MMP16: variants seen among roughly 807,000 people sequenced by gnomAD.
MMP16 encodes matrix metalloproteinase-16.
Under a neutral mutation model 67.8 loss-of-function variants are expected in MMP16, and 12 were observed. That is an observed-to-expected ratio of 0.18 (90% CI 0.11 to 0.29). The LOEUF (loss-of-function observed/expected upper bound fraction) is 0.29. Ranked by LOEUF, MMP16 falls within the 10% of genes least tolerant of loss-of-function variation. MMP16 has a pLI of 1.00. For missense variants in MMP16, 475 were observed against 765.7 expected (o/e 0.62, Z 4.48); for synonymous variants, 249 against 255.9 (o/e 0.97, Z 0.26).
At chr8:88,160,380 A>G (rs908498480) in intron 4 of MMP16, among the ~76,000 whole-genome samples, 1 of 151,972 alleles carries the variant, frequency 6.6e-6, no homozygotes, top group African/African-American at 2.4e-5. Context: ...ATTGTTGGAC[A>G]TTTGGGTTGG....
intron 6 of MMP16, among the ~76,000 whole-genome samples, chr8:88,091,018 C>T (rs1016201575): frequency 4.0e-5 from 6 of 151,622 alleles, no homozygotes; most frequent in African/African-American, 1.5e-4. Context: ...CTTTTTTGAC[C>T]TACAGTAACT....
chr8:88,097,104 A>G (rs114867678), intron 6 of MMP16, among the ~76,000 whole-genome samples: 51 of 152,062 alleles, frequency 3.4e-4, no homozygotes, highest in African/African-American at 1.2e-3. Flanking sequence ...GTCACCTGTA[A>G]TATCCCTTTT....
intron 1 of MMP16, among the ~76,000 whole-genome samples, chr8:88,324,239 C>G (rs1242526892): frequency 6.6e-6 from 1 of 152,124 alleles, no homozygotes; most frequent in East Asian, 1.9e-4. Context: ...CAAATGCACT[C>G]TCTTTCTGTA....
chr8:88,222,301 C>T (rs1050354227), intron 1 of MMP16, among the ~76,000 whole-genome samples: 2 of 152,028 alleles, frequency 1.3e-5, no homozygotes, highest in Admixed American at 6.6e-5. Context: ...GCAGAATCCT[C>T]GTCAAGCTAC....
At chr8:88,253,632 T>G (rs1223506777) in intron 1 of MMP16, among the ~76,000 whole-genome samples, 2 of 152,038 alleles carry the variant, frequency 1.3e-5, no homozygotes, top group African/African-American at 4.8e-5. Flanking sequence ...TTTTACATTA[T>G]GTTGCTTTGT....
At chr8:88,064,351 C>T (rs1310312916) in intron 7 of MMP16, among the ~76,000 whole-genome samples, 1 of 151,996 alleles carries the variant, frequency 6.6e-6, no homozygotes, top group African/African-American at 2.4e-5. Flanking sequence ...TTTGAGAAAA[C>T]ATCAGGGAAT....
chr8:88,098,478 C>T (rs948561604), intron 6 of MMP16, among the ~76,000 whole-genome samples: 12 of 151,966 alleles, frequency 7.9e-5, no homozygotes, highest in African/African-American at 2.2e-4. Flanking sequence ...AGCCCCTTCC[C>T]TAAACAAACA....
chr8:88,296,965 T>A lies in MMP16; in HGVS notation c.132+30110A>T, dbSNP rs146802876. Among the ~76,000 whole-genome samples the A allele has an allele frequency of 6.3e-3, 953 of 151,832 alleles. 6 individuals carry two copies. The highest frequency in any genetic ancestry group is 0.022 in the African/African-American group (905 of 41,416). On this transcript the variant is annotated intron_variant, in intron 1 of 9. Transcript: ENST00000286614. ...ATAATAAAAAAAAGCAAATTCAAAA[T>A]TCAAAATAACTTAGTGCCCTGGGAA...
intron 1 of MMP16, among the ~76,000 whole-genome samples, chr8:88,205,104 T>C (rs1248519770): frequency 6.6e-6 from 1 of 152,206 alleles, no homozygotes; most frequent in African/African-American, 2.4e-5. Context: ...GCAATTTACA[T>C]GCATTATCTT....
At chr8:88,289,246 A>G (rs546168298) in intron 1 of MMP16, among the ~76,000 whole-genome samples, 1 of 152,314 alleles carries the variant, frequency 6.6e-6, no homozygotes, top group South Asian at 2.1e-4. Flanking sequence ...TAAAAAGATT[A>G]AAAGGAAAAT....
chr8:88,042,313 G>C (rs1203837248), intron 9 of MMP16, among the ~76,000 whole-genome samples: 5 of 152,114 alleles, frequency 3.3e-5, no homozygotes, highest in Admixed American at 6.5e-5. Context: ...TCAGGAATCT[G>C]TGCTCCTTCT....
intron 4 of MMP16, among the ~76,000 whole-genome samples, chr8:88,145,021 T>A (rs1194764378): frequency 6.6e-6 from 1 of 151,998 alleles, no homozygotes; most frequent in East Asian, 1.9e-4. Context: ...CTAATTTAAA[T>A]AAAACCCGCA....
intron 6 of MMP16, 32 bp from the exon 7 acceptor site, chr8:88,074,775 A>G (rs1422847408): frequency 6.2e-7 from 1 of 1,603,592 alleles, no homozygotes. Context: ...CTCTCAACAA[A>G]CACGTAGGCC....
intron 1 of MMP16, among the ~76,000 whole-genome samples, chr8:88,235,072 C>G (rs1160728594): frequency 6.6e-6 from 1 of 152,142 alleles, no homozygotes; most frequent in Admixed American, 6.5e-5. Context: ...TTCAGGATCA[C>G]TGACACAGAA....
chr8:88,257,189 C>G (rs746804516), intron 1 of MMP16, among the ~76,000 whole-genome samples: 1 of 152,162 alleles, frequency 6.6e-6, no homozygotes, highest in Non-Finnish European at 1.5e-5. Context: ...TTATATTTAA[C>G]CTTAAGGACC....
intron 4 of MMP16, among the ~76,000 whole-genome samples, chr8:88,139,842 T>A (rs1432495083): frequency 2.6e-5 from 4 of 152,174 alleles, no homozygotes; most frequent in Non-Finnish European, 2.9e-5. Flanking sequence ...AAACAGGAAA[T>A]TTAAATTCCT....
chr8:88,244,264 G>T (rs1320021433), intron 1 of MMP16, among the ~76,000 whole-genome samples: 1 of 151,800 alleles, frequency 6.6e-6, no homozygotes, highest in African/African-American at 2.4e-5. Flanking sequence ...TTTTATAATT[G>T]GGAAATATAA....
At chr8:88,167,573 T>C in intron 4 of MMP16, 96 bp downstream of exon 4, 1 of 1,214,694 alleles carries the variant, frequency 8.2e-7, no homozygotes. Context: ...AAAGTAAATT[T>C]AGGATCTATA....
Position 88,293,649 on chromosome 8 carries a change from G to A in MMP16, c.132+33426C>T, listed in dbSNP as rs927164980. Among the ~76,000 whole-genome samples, 9 of 152,150 alleles carry A rather than the reference G, an allele frequency of 5.9e-5. No homozygotes were observed. In the South Asian group the frequency reaches 1.2e-3, roughly 21 times the overall value. On this transcript the variant is annotated intron_variant, in intron 1 of 9. Transcript: ENST00000286614. The stretch of plus-strand genomic sequence containing the variant: ...ATATATTTAAAGCTAATTTAATCCT[G>A]AAAACATTATGAGATAGGCACTATT...
Sources: allele counts gnomAD v4.1 joint callset (sites outside exome capture counted in the v4.1 genomes callset), GRCh38; gene constraint gnomAD v4.1.1; transcripts MANE v1.5; gene names NCBI Gene and HGNC (gene_info 2026-07-23, HGNC 2026-07-21).